Variants in WASHC2C observed in about 807,000 individuals in gnomAD.
The protein encoded by WASHC2C is Vaccinia Penetration Factor.
In WASHC2C, 73 loss-of-function variants were observed where a neutral mutation model predicts 142.2. The observed-to-expected ratio is 0.51, with a 90% CI of 0.43 to 0.62. The LOEUF is 0.62. WASHC2C is among the 20% of genes least tolerant of loss of function. The pLI, the probability that WASHC2C is intolerant of heterozygous loss-of-function variation, is 0.00. For missense variants in WASHC2C, 969 were observed against 1,531.7 expected (o/e 0.63, Z 6.13); for synonymous variants, 337 against 565.5 (o/e 0.60, Z 5.73).
chr10:45,786,672 C>T lies in WASHC2C; in HGVS notation c.2872C>T (p.Gln958Ter). ...KEPSTRIGKI[Q>*]ANLAINPAAL... ...ACCATCCACTCGGATCGGGAAGATA[C>T]AAGTAATTAAAACACTGGAATCTTC... Residue 958 changes from glutamine (Q) to a stop codon, truncating the protein, a stop_gained and splice_region_variant, in exon 27 of 31, where the codon CAA becomes TAA. Transcript: ENST00000623400. LOFTEE classifies it high-confidence loss of function. 1 of 1,611,798 alleles carries T rather than the reference C, an allele frequency of 6.2e-7. No individual in the cohort carries two copies. The highest frequency in any genetic ancestry group is 8.5e-7 in the Non-Finnish European group (1 of 1,179,676).
At chr10:45,760,091 T>C (rs1383096656) in intron 17 of WASHC2C, among the ~76,000 whole-genome samples, 5 of 145,650 alleles carry the variant, frequency 3.4e-5, no homozygotes, top group Admixed American at 2.8e-4. Flanking sequence ...GGTTCTGGCA[T>C]AGCCATCTGT....
At chr10:45,764,782 G>A (rs2135199840) in intron 18 of WASHC2C, among the ~76,000 whole-genome samples, 2 of 152,400 alleles carry the variant, frequency 1.3e-5, no homozygotes, top group Middle Eastern at 3.4e-3. Flanking sequence ...GTAACTACTA[G>A]TGTGAAGCTC....
chr10:45,754,887 C>A lies in WASHC2C; in HGVS notation c.1241-49C>A, dbSNP rs1969226. On this transcript the variant is annotated intron_variant, in intron 14 of 30. Coordinates refer to ENST00000623400, the MANE Select transcript of WASHC2C (RefSeq NM_001330074.2). ...GATAATTTTTTTCTGTAAATTCAAC[C>A]GGCCCACACTGGCTCACAGCTGTGG... is the stretch of plus-strand genomic sequence containing the variant. 5.0e-4 allele frequency: 804 copies of A among 1,605,138 alleles called. 3 individuals are homozygous for A. In the African/African-American group the frequency reaches 5.6e-3, roughly 11 times the overall value.
At chr10:45,776,954 G>A (rs1214018120) in intron 21 of WASHC2C, among the ~76,000 whole-genome samples, 1 of 149,850 alleles carries the variant, frequency 6.7e-6, no homozygotes, top group Non-Finnish European at 1.5e-5. Flanking sequence ...TGAAATATAA[G>A]AGGAGTGAGG....
At chr10:45,754,308 A>G (rs1429940643) in intron 13 of WASHC2C, among the ~76,000 whole-genome samples, 178 bp from the exon 14 acceptor site, 5 of 152,238 alleles carry the variant, frequency 3.3e-5, no homozygotes, top group Admixed American at 3.3e-4. Flanking sequence ...CCAAAAAAAA[A>G]GTCCTGACAT....
At chr10:45,782,462 C>T (rs1359222683) in intron 23 of WASHC2C, among the ~76,000 whole-genome samples, 2 of 147,870 alleles carry the variant, frequency 1.4e-5, no homozygotes, top group Non-Finnish European at 1.5e-5. Context: ...AGGGAAGTAA[C>T]GAGTGTTGGT....
chr10:45,792,063 G>A (rs1343975792), intron 30 of WASHC2C, among the ~76,000 whole-genome samples, 198 bp from the exon 31 acceptor site: 1 of 144,176 alleles, frequency 6.9e-6, no homozygotes, highest in African/African-American at 2.5e-5. Context: ...TGCTCCAAGA[G>A]AAACCTGTGT....
rs782550224 is a variant in WASHC2C at position 45,755,056 on chromosome 10, A to G, written c.1361A>G (p.Asp454Gly). The G allele has an allele frequency of 1.9e-6, 3 of 1,611,682 alleles. No individual in the cohort carries two copies. Among genetic ancestry groups the G allele is most frequent in the Admixed American group, 1.7e-5 (1 of 59,970 alleles). ...CCTCCCACTGGCCTCTTTGATGATG[A>G]TGATGGTGATGATGATGACGACTTT... Reference protein sequence around the residue: ...GPPPTGLFDDDDGDDDDDFFS... With the variant: ...GPPPTGLFDDGDGDDDDDFFS... The change falls in exon 15 of 31, where the codon GAT becomes GGT. Residue 454 changes from aspartate (D) to glycine (G), a missense_variant. Physicochemically the swap from Asp to Gly is moderately conservative, Grantham distance 94. Coordinates refer to ENST00000623400, the MANE Select transcript of WASHC2C (RefSeq NM_001330074.2).
intron 20 of WASHC2C, among the ~76,000 whole-genome samples, chr10:45,771,152 G>T (rs1554884486): frequency 6.6e-6 from 1 of 151,874 alleles, no homozygotes. Context: ...AGATCACGAG[G>T]TCAGGAGTTG....
intron 19 of WASHC2C, among the ~76,000 whole-genome samples, chr10:45,768,264 AGACCTAACGAGTGCT>A (rs2056176699): frequency 6.6e-6 from 1 of 151,130 alleles, no homozygotes; most frequent in East Asian, 1.9e-4. Flanking sequence ...AAGAAAGAGA[AGACCTAACGAGTGCT>A]GACAGTGGAT....
chr10:45,789,815 A>T (rs1442283500), intron 29 of WASHC2C, among the ~76,000 whole-genome samples: 2 of 147,292 alleles, frequency 1.4e-5, no homozygotes, highest in African/African-American at 5.4e-5. Flanking sequence ...CATGGCATAC[A>T]GCTCCACTGG....
At chr10:45,738,657 T>C (rs1352086614) in intron 4 of WASHC2C, among the ~76,000 whole-genome samples, 6 of 152,220 alleles carry the variant, frequency 3.9e-5, no homozygotes, top group Admixed American at 1.3e-4. Context: ...TAGTTCTGCC[T>C]GTTGCCAGCA....
chr10:45,786,305 T>C, intron 26 of WASHC2C: 1 of 497,884 alleles, frequency 2.0e-6, no homozygotes, highest in Non-Finnish European at 3.6e-6. Context: ...ATAACCAACA[T>C]GGTAATTTTG....
intron 25 of WASHC2C, among the ~76,000 whole-genome samples, chr10:45,785,199 G>A (rs1296155645): frequency 6.6e-6 from 1 of 151,826 alleles, no homozygotes; most frequent in African/African-American, 2.4e-5. Flanking sequence ...CATACACTGG[G>A]GTGGCTAAAT....
chr10:45,742,349 T>C (rs1458195605), intron 5 of WASHC2C, among the ~76,000 whole-genome samples: 29 of 152,356 alleles, frequency 1.9e-4, no homozygotes, highest in Admixed American at 1.2e-3. Context: ...AGTTTCGCTC[T>C]TGTTGCCCAG....
chr10:45,739,350 T>A (rs1363218299), intron 4 of WASHC2C, among the ~76,000 whole-genome samples: 2 of 149,860 alleles, frequency 1.3e-5, no homozygotes, highest in East Asian at 4.0e-4. Flanking sequence ...CCTTCTAGAA[T>A]ATTTGTAGAG....
intron 11 of WASHC2C, among the ~76,000 whole-genome samples, chr10:45,752,051 G>T (rs1554874922): frequency 6.6e-6 from 1 of 152,204 alleles, no homozygotes; most frequent in Non-Finnish European, 1.5e-5. Flanking sequence ...AAAAATTCCT[G>T]TAGAGATTTG....
rs1227809519 is a variant in WASHC2C, at chr10:45,749,836, A to AAAAAATAT, written c.733-259_733-258insAAAATATA. Among the ~76,000 whole-genome samples, 13 of 101,762 alleles carry AAAAAATAT rather than the reference A, an allele frequency of 1.3e-4. No individual in the cohort carries two copies. The East Asian group carries it at 1.4e-3, about 11-fold the overall frequency. 66.8% of individuals were successfully genotyped at this position (101,762 alleles called of 152,430 possible). A position where few individuals can be genotyped will look rare whatever the true frequency, so the allele number is the denominator to read the frequency against. Reference sequence around the variant, plus strand: ...GCAAGACTCCATCTCAAAAAAAAAAAATATATATATATATATATATTTATA... The same window carrying AAAAAATAT: ...GCAAGACTCCATCTCAAAAAAAAAAAAAAAATATATATATATATATATATATATTTATA... On this transcript the variant is annotated intron_variant, in intron 8 of 30. Coordinates refer to ENST00000623400, the MANE Select transcript of WASHC2C (RefSeq NM_001330074.2).
chr10:45,783,061 A>G (rs1178456646), intron 23 of WASHC2C, among the ~76,000 whole-genome samples: 3 of 151,700 alleles, frequency 2.0e-5, no homozygotes, highest in Admixed American at 1.3e-4. Flanking sequence ...ATTACATTTT[A>G]TACGTAAATG....
Sources: allele counts gnomAD v4.1 joint callset (sites outside exome capture counted in the v4.1 genomes callset), GRCh38; gene constraint gnomAD v4.1.1; transcripts MANE v1.5; gene names NCBI Gene and HGNC (gene_info 2026-07-23, HGNC 2026-07-21).